Variants in SLC5A7 observed in about 807,000 individuals in gnomAD.
SLC5A7 encodes solute carrier family 5 member 7, also known as high affinity choline transporter 1.
SLC5A7 carries 19 observed loss-of-function variants against 55.4 expected under a neutral mutation model. That is an observed-to-expected ratio of 0.34 (90% CI 0.24 to 0.50). The LOEUF (loss-of-function observed/expected upper bound fraction) is 0.50. SLC5A7 is among the 20% of genes least tolerant of loss of function. The pLI is 0.98. For synonymous variants in SLC5A7, 265 were observed against 263.7 expected (o/e 1.00, Z -0.05); for missense variants, 506 against 705.3 (o/e 0.72, Z 3.20).
chr2:107,988,297 G>A lies in SLC5A7; in HGVS notation c.142G>A (p.Asp48Asn), dbSNP rs759113125. ...CGAAGCCATCATAGTTGGTGGCCGA[G>A]ATATTGGTTTATTGGTTGGTGGATT... ...RSEAIIVGGRDIGLLVGGFTM... is the reference protein window; with the variant it reads ...RSEAIIVGGRNIGLLVGGFTM... The change falls in exon 2 of 9, where the codon GAT (aspartate) becomes AAT (asparagine). Residue 48 changes from aspartate (D) to asparagine (N), a missense_variant. Asp to Asn is a conservative substitution (Grantham distance 23, BLOSUM62 1). Coordinates refer to ENST00000264047, the MANE Select transcript of SLC5A7 (RefSeq NM_021815.5). The A allele has an allele frequency of 3.7e-6, 6 of 1,614,064 alleles. No homozygotes were observed. In the East Asian group the frequency reaches 1.1e-4, roughly 30 times the overall value.
intron 4 of SLC5A7, 139 bp from the exon 5 acceptor site, chr2:107,997,699 A>G (rs953768231): frequency 2.7e-5 from 20 of 743,884 alleles, no homozygotes; most frequent in Non-Finnish European, 3.8e-5. Flanking sequence ...ATAAAAATTA[A>G]CTTTAGGTGT....
chr2:107,996,143 C>T (rs993837875), intron 4 of SLC5A7, among the ~76,000 whole-genome samples: 12 of 151,232 alleles, frequency 7.9e-5, no homozygotes, highest in South Asian at 4.2e-4. Flanking sequence ...AGCTTAGAAG[C>T]GTTATTAAAG....
chr2:108,000,585 A>T (rs1351321787), intron 5 of SLC5A7, among the ~76,000 whole-genome samples: 5 of 152,266 alleles, frequency 3.3e-5, no homozygotes, highest in South Asian at 4.1e-4. Context: ...GGCATGAGCC[A>T]CTGTGCCTGG....
At chr2:108,004,598 A>C (rs1481168823) in intron 6 of SLC5A7, among the ~76,000 whole-genome samples, 1 of 152,204 alleles carries the variant, frequency 6.6e-6, no homozygotes, top group Non-Finnish European at 1.5e-5. Context: ...TATTTATTGA[A>C]TATTGACTTT....
At position 108,010,618 on chromosome 2, in the gene SLC5A7, T is replaced by C; in HGVS notation, c.1500T>C (p.Tyr500=). The C allele has an allele frequency of 6.2e-7, 1 of 1,614,030 alleles. No homozygotes were observed. Among genetic ancestry groups the C allele is most frequent in the Non-Finnish European group, 8.5e-7 (1 of 1,179,970 alleles). The part of the protein sequence containing the change: ...TNICISYLAK[Y]LFESGTLPPK... ...TTTGCATCTCCTATCTAGCCAAGTA[T>C]CTATTTGAAAGTGGAACCTTGCCAC... The change falls in exon 9 of 9, where the codon TAT becomes TAC. Residue 500 remains tyrosine (Y), a synonymous_variant. Coordinates refer to ENST00000264047, the MANE Select transcript of SLC5A7 (RefSeq NM_021815.5).
intron 1 of SLC5A7, 23 bp from the exon 2 acceptor site, chr2:107,988,082 A>G: frequency 6.7e-7 from 1 of 1,495,368 alleles, no homozygotes; most frequent in Non-Finnish European, 9.2e-7. Flanking sequence ...CTGGTTTATA[A>G]TGCATCCCTG....
At chr2:108,006,283 T>C in intron 7 of SLC5A7, 81 bp downstream of exon 7, 2 of 1,489,632 alleles carry the variant, frequency 1.3e-6, no homozygotes, top group East Asian at 2.3e-5. Flanking sequence ...CACTCCCCTC[T>C]TTCCTCCACA....
In SLC5A7 at chr2:108,008,121, C is replaced by G. The variant is rs551241604; in HGVS notation, c.896-344C>G. 3.9e-5 allele frequency among the ~76,000 whole-genome samples: 6 copies of G among 152,200 alleles called. No homozygotes were observed. The East Asian group carries it at 1.2e-3, about 29-fold the overall frequency. On this transcript the variant is annotated intron_variant, in intron 7 of 8. Transcript: ENST00000264047. ...CCTTAAAGAAGAAACAGTGAGTGTCCCACCACATTTCCAAGTGGTTGAAGG... is the reference window on the plus strand; with the variant it reads ...CCTTAAAGAAGAAACAGTGAGTGTCGCACCACATTTCCAAGTGGTTGAAGG...
intron 4 of SLC5A7, among the ~76,000 whole-genome samples, chr2:107,997,083 G>A (rs1677698390): frequency 6.6e-6 from 1 of 152,168 alleles, no homozygotes; most frequent in Admixed American, 6.5e-5. Context: ...TGTAAAATGT[G>A]GAAATGGGTG....
intron 5 of SLC5A7, among the ~76,000 whole-genome samples, chr2:108,001,275 G>A (rs1677884082): frequency 6.6e-6 from 1 of 152,054 alleles, no homozygotes; most frequent in Non-Finnish European, 1.5e-5. Context: ...TAGGCAGATA[G>A]ATACATAGAT....
At chr2:108,007,191 G>T (rs533983969) in intron 7 of SLC5A7, among the ~76,000 whole-genome samples, 6 of 152,158 alleles carry the variant, frequency 3.9e-5, no homozygotes, top group African/African-American at 1.4e-4. Context: ...TAATAAAATA[G>T]ATTAAAGTTC....
chr2:107,988,088 C>T lies in SLC5A7; in HGVS notation c.-51-17C>T. 1 of 1,516,834 alleles carries T rather than the reference C, an allele frequency of 6.6e-7. No individual in the cohort carries two copies. Among genetic ancestry groups the T allele is most frequent in the Non-Finnish European group, 9.0e-7 (1 of 1,105,540 alleles). 94.0% of individuals were successfully genotyped at this position (1,516,834 alleles called of 1,614,324 possible). A position where few individuals can be genotyped will look rare whatever the true frequency, so the allele number is the denominator to read the frequency against. The stretch of plus-strand genomic sequence containing the variant: ...AGTGCTTGACTGGTTTATAATGCAT[C>T]CCTGTATTTTCTTCAGAAGACTTAA... On this transcript the variant is annotated splice_polypyrimidine_tract_variant and intron_variant, in intron 1 of 8. Coordinates refer to ENST00000264047, the MANE Select transcript of SLC5A7 (RefSeq NM_021815.5).
chr2:108,002,124 A>G, intron 6 of SLC5A7, 84 bp downstream of exon 6: 1 of 1,509,546 alleles, frequency 6.6e-7, no homozygotes, highest in Non-Finnish European at 9.0e-7. Flanking sequence ...TTCATAGTAA[A>G]AAAATGTGCT....
Position 107,988,202 on chromosome 2 carries a change from T to G in SLC5A7, c.47T>G (p.Leu16Arg). The G allele has an allele frequency of 6.2e-7, 1 of 1,614,232 alleles. No individual in the cohort carries two copies. Residue 16 changes from leucine to arginine, a missense_variant, in exon 2 of 9, where the codon CTT becomes CGT. This residue lies in a region of SLC5A7 where 56 missense variants were observed against 62.6 expected (regional missense o/e 0.89). Transcript: ENST00000264047. ...CTGATAGCTATCATCGTGTTCTACC[T>G]TCTAATTTTGCTGGTTGGAATATGG... ...EGLIAIIVFY[L>R]LILLVGIWAA...
intron 1 of SLC5A7, among the ~76,000 whole-genome samples, chr2:107,987,552 T>C (rs1252880659): frequency 6.6e-6 from 1 of 152,208 alleles, no homozygotes; most frequent in African/African-American, 2.4e-5. Context: ...TTGAAATGGA[T>C]TTTTCTAAAG....
At position 107,988,234 on chromosome 2, in the gene SLC5A7, T is replaced by C. The variant is rs1327311297; in HGVS notation, c.79T>C (p.Trp27Arg). The change falls in exon 2 of 9, where the codon TGG becomes CGG. Residue 27 changes from tryptophan (W) to arginine (R), a missense_variant. Transcript: ENST00000264047. ...LILLVGIWAA[W>R]RTKNSGSAEE... ...TTTGCTGGTTGGAATATGGGCTGCCTGGAGAACCAAAAACAGTGGCAGCGC... is the reference window on the plus strand; with the variant it reads ...TTTGCTGGTTGGAATATGGGCTGCCCGGAGAACCAAAAACAGTGGCAGCGC... The C allele has an allele frequency of 6.2e-7, 1 of 1,614,174 alleles. No individual in the cohort carries two copies. Among genetic ancestry groups the C allele is most frequent in the Non-Finnish European group, 8.5e-7 (1 of 1,179,988 alleles).
Position 108,013,067 on chromosome 2 carries a change from G to A in SLC5A7, c.*2206G>A, listed in dbSNP as rs1558875412. ...ACAGGGAGGCATAGTCTCTCTACAG[G>A]TCTCTCTCTTTACGTTGTACCATTC... On this transcript the variant is annotated 3_prime_UTR_variant, in exon 9 of 9. Coordinates refer to ENST00000264047, the MANE Select transcript of SLC5A7 (RefSeq NM_021815.5). 1.3e-5 allele frequency: 2 copies of A among 151,928 alleles called. No individual in the cohort carries two copies. The highest frequency in any genetic ancestry group is 4.8e-5 in the African/African-American group (2 of 41,372). 9.4% of individuals were successfully genotyped at this position (151,928 alleles called of 1,614,324 possible).
At chr2:107,992,815 C>G (rs1156320376) in intron 3 of SLC5A7, among the ~76,000 whole-genome samples, 157 bp from the exon 4 acceptor site, 2 of 152,160 alleles carry the variant, frequency 1.3e-5, no homozygotes, top group Non-Finnish European at 2.9e-5. Context: ...GATTGCTAAA[C>G]CTAATATTTA....
chr2:107,998,593 C>T (rs574537511), intron 5 of SLC5A7, among the ~76,000 whole-genome samples: 1 of 152,212 alleles, frequency 6.6e-6, no homozygotes, highest in East Asian at 1.9e-4. Flanking sequence ...ATATTTTAGT[C>T]AATGTTGAAG....
Sources: gnomAD v4.1 joint callset for allele counts (sites outside exome capture counted in the v4.1 genomes callset) on GRCh38, gnomAD v4.1.1 for gene constraint, gnomAD v4.1.1 regional missense constraint, MANE v1.5 for transcripts, NCBI Gene and HGNC (gene_info 2026-07-23, HGNC 2026-07-21) for gene names.